The following GTPBP2 variants were observed in gnomAD, a reference collection of about 807,000 sequenced individuals.
GTPBP2 encodes GTP-binding protein 2.
GTPBP2 carries 32 observed loss-of-function variants against 63.0 expected under a neutral mutation model. The observed-to-expected ratio is 0.51, with a 90% CI of 0.38 to 0.68. GTPBP2 has a LOEUF of 0.68. Among genes scored for constraint, GTPBP2 ranks in the 30% least tolerant of loss-of-function variants. The probability of loss-of-function intolerance (pLI) is 0.00; values close to 1 mark genes in which losing one functional copy is unlikely to be tolerated. For missense variants in GTPBP2, 492 were observed against 796.9 expected (o/e 0.62, Z 4.61); for synonymous variants, 310 against 322.6 (o/e 0.96, Z 0.42).
rs762664560 is a variant in GTPBP2, at chr6:43,622,602, G to A, written c.1467+31C>T. 2.0e-5 allele frequency: 31 copies of A among 1,587,490 alleles called. No homozygotes were observed. Among genetic ancestry groups the A allele is most frequent in the South Asian group, 6.7e-5 (6 of 89,816 alleles). ...CAGTCTCCTAGGCACTTCTCTTAGC[G>A]TTCCCTCCCCAACCCATGCACCCAC... On this transcript the variant is annotated intron_variant, in intron 10 of 11. Transcript: ENST00000307126. The surrounding 1 kb of genome is among the most constrained non-coding windows in gnomAD (Gnocchi z 5.4).
chr6:43,624,761 GA>G lies in GTPBP2; in HGVS notation c.881-33del. On this transcript the variant is annotated intron_variant, in intron 6 of 11. Transcript: ENST00000307126. This position sits in a 1 kb window ranked among gnomAD's most constrained non-coding sequence, Gnocchi z 5.1. ...CATAAGGACAGCAAGCAGCAGGAGA[GA>G]AGAGTGAGAATGCAGGAGGGAGGAG... 6.2e-7 allele frequency: 1 copy of G among 1,601,628 alleles called. No individual in the cohort carries two copies.
At position 43,626,077 on chromosome 6, in the gene GTPBP2, G is replaced by A. The variant is rs1298684476; in HGVS notation, c.398+149C>T. On this transcript the variant is annotated intron_variant, in intron 3 of 11. Coordinates refer to ENST00000307126, the MANE Select transcript of GTPBP2 (RefSeq NM_019096.5). This position sits in a 1 kb window ranked among gnomAD's most constrained non-coding sequence, Gnocchi z 4.0. ...AGCAAAACAGCCTAGGTCCAGTGAG[G>A]AGGGGACCAAAACACTAACCCTCCC... The A allele has an allele frequency of 2.5e-6, 2 of 793,330 alleles. No individual in the cohort carries two copies. Among genetic ancestry groups the A allele is most frequent in the Non-Finnish European group, 2.1e-6 (1 of 477,676 alleles). The allele number at this position is 793,330 out of a possible 1,614,324, so 49.1% of individuals were successfully genotyped here.
rs1768647025 is a variant in GTPBP2 at position 43,620,525 on chromosome 6, A to AT, written c.*1088dup. ...AAAACATTTTTATTCTGTACAATAT[A>AT]TATGTGTATTTAAATATATATACAT... On this transcript the variant is annotated 3_prime_UTR_variant, in exon 12 of 12. Coordinates refer to ENST00000307126, the MANE Select transcript of GTPBP2 (RefSeq NM_019096.5). 1 of 213,930 alleles carries AT rather than the reference A, an allele frequency of 4.7e-6. No individual in the cohort carries two copies. The highest frequency in any genetic ancestry group is 2.4e-5 in the African/African-American group (1 of 41,876). The allele number at this position is 213,930 out of a possible 1,614,324, so 13.3% of individuals were successfully genotyped here. A position where few individuals can be genotyped will look rare whatever the true frequency, so the allele number is the denominator to read the frequency against.
chr6:43,627,845 C>A (rs1769496473), intron 1 of GTPBP2, among the ~76,000 whole-genome samples: 1 of 152,224 alleles, frequency 6.6e-6, no homozygotes, highest in Non-Finnish European at 1.5e-5. Flanking sequence ...TCATAATCTC[C>A]ACTTCATGGT....
upstream of GTPBP2, chr6:43,629,803 T>C: frequency 6.4e-7 from 1 of 1,559,942 alleles, no homozygotes; most frequent in Non-Finnish European, 8.7e-7. Flanking sequence ...CGGAGGCGGA[T>C]GGTGATTAGC....
chr6:43,623,640 G>T, intron 9 of GTPBP2, 97 bp downstream of exon 9: 1 of 886,758 alleles, frequency 1.1e-6, no homozygotes, highest in Non-Finnish European at 1.9e-6. Context: ...CTTTAAATGG[G>T]TTCCGTTCAA....
rs374130902 is a variant in GTPBP2, at chr6:43,625,071, G to C, written c.706-9C>G. On this transcript the variant is annotated splice_polypyrimidine_tract_variant and intron_variant, in intron 5 of 11. Transcript: ENST00000307126. This position sits in a 1 kb window ranked among gnomAD's most constrained non-coding sequence, Gnocchi z 5.1. ...TCGCTGTAATTCACCACCTGGCCCAGGGCCCAGGGCCCTCAGTGCCTCCTG... is the reference window on the plus strand; with the variant it reads ...TCGCTGTAATTCACCACCTGGCCCACGGCCCAGGGCCCTCAGTGCCTCCTG... The C allele has an allele frequency of 6.9e-5, 111 of 1,612,372 alleles. No individual in the cohort carries two copies. The highest frequency in any genetic ancestry group is 3.4e-6 in the Non-Finnish European group (4 of 1,179,516).
upstream of GTPBP2, chr6:43,629,915 G>A (rs1769791080): frequency 9.4e-7 from 1 of 1,067,844 alleles, no homozygotes; most frequent in Non-Finnish European, 1.3e-6. Flanking sequence ...TTTAATAACC[G>A]GAGGCACCGC....
At chr6:43,629,784 A>T, upstream of GTPBP2, 1 of 1,564,058 alleles carries the variant, frequency 6.4e-7, no homozygotes, top group Middle Eastern at 1.7e-4. Flanking sequence ...GTCAGGGCGA[A>T]CGCCAGGGCG....
At chr6:43,630,357 C>T (rs1404185850), upstream of GTPBP2, among the ~76,000 whole-genome samples, 2 of 152,178 alleles carry the variant, frequency 1.3e-5, no homozygotes, top group African/African-American at 2.4e-5. Context: ...AATTCACAGC[C>T]GCATGGCTGT....
intron 11 of GTPBP2, 31 bp downstream of exon 11, chr6:43,621,972 C>T (rs760638035): frequency 1.9e-6 from 3 of 1,613,250 alleles, no homozygotes; most frequent in Non-Finnish European, 2.5e-6. Context: ...TTTCTGACCT[C>T]TGGAGAAATG....
chr6:43,624,151 G>T lies in GTPBP2; in HGVS notation c.1101-83C>A. ...CAGAGCCCCATACATGGAAAGGTGAGCTTTGTTCTGGCTGGGGGCCCCTCT... is the reference window on the plus strand; with the variant it reads ...CAGAGCCCCATACATGGAAAGGTGATCTTTGTTCTGGCTGGGGGCCCCTCT... On this transcript the variant is annotated intron_variant, in intron 7 of 11. Transcript: ENST00000307126. This position sits in a 1 kb window ranked among gnomAD's most constrained non-coding sequence, Gnocchi z 5.1. 7.5e-7 allele frequency: 1 copy of T among 1,330,830 alleles called. No individual in the cohort carries two copies. The highest frequency in any genetic ancestry group is 1.0e-6 in the Non-Finnish European group (1 of 974,896). The allele number at this position is 1,330,830 out of a possible 1,614,324, so 82.4% of individuals were successfully genotyped here.
chr6:43,629,633 G>A, upstream of GTPBP2: 1 of 1,106,696 alleles, frequency 9.0e-7, no homozygotes, highest in Non-Finnish European at 1.3e-6. Flanking sequence ...GGCGCTCCGG[G>A]ATTTGGCCCT....
Position 43,624,670 on chromosome 6 carries a change from C to T in GTPBP2, c.940G>A (p.Val314Met), listed in dbSNP as rs748766903. Residue 314 changes from valine (V) to methionine (M), a missense_variant, in exon 7 of 12, where the codon GTG becomes ATG. Physicochemically the swap from Val to Met is conservative, Grantham distance 21. Transcript: ENST00000307126. The surrounding 1 kb of genome is among the most constrained non-coding windows in gnomAD (Gnocchi z 5.1). ...ALALKVPFFI[V>M]VSKIDLCAKT... ...GCACATAGGTCGATCTTGCTGACCA[C>T]GATGAAGAAGGGCACTTTCAGGGCC... The T allele has an allele frequency of 5.6e-6, 9 of 1,614,158 alleles. No homozygotes were observed. The highest frequency in any genetic ancestry group is 2.2e-5 in the South Asian group (2 of 91,086).
At chr6:43,628,550 G>T in intron 1 of GTPBP2, 24 of 983,704 alleles carry the variant, frequency 2.4e-5, no homozygotes, top group Non-Finnish European at 2.9e-5. Context: ...GTGTGTCCGT[G>T]TGGAACATAT....
At position 43,625,882 on chromosome 6, in the gene GTPBP2, C is replaced by A; in HGVS notation, c.399-18G>T. ...CCCCAACCCTGTCACAGCAAGGCCACAGCTGCCATATCTCACCTGTCCTTC... is the reference window on the plus strand; with the variant it reads ...CCCCAACCCTGTCACAGCAAGGCCAAAGCTGCCATATCTCACCTGTCCTTC... On this transcript the variant is annotated intron_variant, in intron 3 of 11. Coordinates refer to ENST00000307126, the MANE Select transcript of GTPBP2 (RefSeq NM_019096.5). This position sits in a 1 kb window ranked among gnomAD's most constrained non-coding sequence, Gnocchi z 5.1. 1 of 1,578,866 alleles carries A rather than the reference C, an allele frequency of 6.3e-7. No individual in the cohort carries two copies. Among genetic ancestry groups the A allele is most frequent in the Middle Eastern group, 1.7e-4 (1 of 6,014 alleles).
Position 43,622,271 on chromosome 6 carries a change from C to T in GTPBP2, c.1468-104G>A. ...TATAGCTCCTGAATTTCCTCTTCCT[C>T]TACACAACTCTAAACACAAAGACCT... On this transcript the variant is annotated intron_variant, in intron 10 of 11. Coordinates refer to ENST00000307126, the MANE Select transcript of GTPBP2 (RefSeq NM_019096.5). This position sits in a 1 kb window ranked among gnomAD's most constrained non-coding sequence, Gnocchi z 5.4. 1 of 922,076 alleles carries T rather than the reference C, an allele frequency of 1.1e-6. No homozygotes were observed. Among genetic ancestry groups the T allele is most frequent in the Non-Finnish European group, 1.6e-6 (1 of 615,186 alleles). 57.1% of individuals were successfully genotyped at this position (922,076 alleles called of 1,614,324 possible).
Position 43,625,177 on chromosome 6 carries a change from T to G in GTPBP2, c.706-115A>C. On this transcript the variant is annotated intron_variant, in intron 5 of 11. Transcript: ENST00000307126. This position sits in a 1 kb window ranked among gnomAD's most constrained non-coding sequence, Gnocchi z 5.1. Reference sequence around the variant, plus strand: ...CCTGCCTCTTAATCTTGACCCCATTTTTTATTTAATTTAGTTGATTCCCCA... The same window carrying G: ...CCTGCCTCTTAATCTTGACCCCATTGTTTATTTAATTTAGTTGATTCCCCA... 9.1e-7 allele frequency: 1 copy of G among 1,103,910 alleles called. No individual in the cohort carries two copies. Among genetic ancestry groups the G allele is most frequent in the Non-Finnish European group, 1.3e-6 (1 of 757,202 alleles). The allele number at this position is 1,103,910 out of a possible 1,614,324, so 68.4% of individuals were successfully genotyped here.
rs192171238 is a variant in GTPBP2, at chr6:43,628,725, G to A, written c.186+252C>T. ...GATCCCCTTTCTCTACTTCTCTCCT[G>A]GGGTAATCTAGATCAGAAGGGGGAG... On this transcript the variant is annotated intron_variant, in intron 1 of 11. Coordinates refer to ENST00000307126, the MANE Select transcript of GTPBP2 (RefSeq NM_019096.5). The A allele has an allele frequency of 4.8e-5, 35 of 732,512 alleles. No individual in the cohort carries two copies. The East Asian group carries it at 9.5e-4, about 20-fold the overall frequency. The allele number at this position is 732,512 out of a possible 1,614,324, so 45.4% of individuals were successfully genotyped here.
Sources: allele counts gnomAD v4.1 joint callset (sites outside exome capture counted in the v4.1 genomes callset), GRCh38; gene constraint gnomAD v4.1.1; non-coding constraint Gnocchi (gnomAD v3.1); transcripts MANE v1.5; gene names NCBI Gene and HGNC (gene_info 2026-07-23, HGNC 2026-07-21).